Variants in ITPR2 observed in about 807,000 individuals in gnomAD.
ITPR2 encodes the protein inositol 1,4,5-trisphosphate receptor type 2.
ITPR2 carries 207 observed loss-of-function variants against 317.1 expected under a neutral mutation model. The ratio of observed to expected loss-of-function variants is 0.65; its 90% CI spans 0.58 to 0.73. The LOEUF (loss-of-function observed/expected upper bound fraction) is 0.73, where lower values mean the gene tolerates loss of function less well. ITPR2 is among the 30% of genes least tolerant of loss of function. The pLI, the probability that ITPR2 is intolerant of heterozygous loss-of-function variation, is 0.00. For synonymous variants in ITPR2, 1,156 were observed against 1,149.1 expected (o/e 1.01, Z -0.12); for missense variants, 2,613 against 3,284.0 (o/e 0.80, Z 4.99).
At chr12:26,732,961 A>G (rs923751606) in intron 2 of ITPR2, among the ~76,000 whole-genome samples, 1 of 152,198 alleles carries the variant, frequency 6.6e-6, no homozygotes, top group Non-Finnish European at 1.5e-5. Context: ...TTCCCATAAT[A>G]GATGTGATTT....
intron 55 of ITPR2, among the ~76,000 whole-genome samples, chr12:26,365,259 C>T (rs1242193532): frequency 6.6e-6 from 1 of 152,156 alleles, no homozygotes; most frequent in Non-Finnish European, 1.5e-5. Flanking sequence ...TAATTTGAAG[C>T]TTAGTGATTC....
At chr12:26,401,212 G>A (rs1410562553) in intron 52 of ITPR2, among the ~76,000 whole-genome samples, 3 of 151,594 alleles carry the variant, frequency 2.0e-5, no homozygotes, top group Non-Finnish European at 2.9e-5. Flanking sequence ...CTGGGTAACA[G>A]AGCAAGACTC....
intron 32 of ITPR2, 143 bp downstream of exon 32, chr12:26,595,322 C>T (rs1945815074): frequency 1.3e-6 from 1 of 753,268 alleles, no homozygotes; most frequent in Admixed American, 3.2e-5. Flanking sequence ...CACTCACAAT[C>T]TTCTGAAATT....
chr12:26,699,342 C>A (rs1320704314), intron 9 of ITPR2, among the ~76,000 whole-genome samples: 2 of 152,182 alleles, frequency 1.3e-5, no homozygotes, highest in Non-Finnish European at 1.5e-5. Flanking sequence ...CCCTGACTGG[C>A]TGTCTGGGGA....
intron 55 of ITPR2, among the ~76,000 whole-genome samples, chr12:26,366,620 C>A (rs1939020444): frequency 6.6e-6 from 1 of 152,148 alleles, no homozygotes; most frequent in Non-Finnish European, 1.5e-5. Context: ...CCGTTGTAAA[C>A]CCCTATTTAC....
At chr12:26,543,853 C>T (rs1322186631) in intron 37 of ITPR2, among the ~76,000 whole-genome samples, 5 of 152,156 alleles carry the variant, frequency 3.3e-5, no homozygotes, top group Admixed American at 6.5e-5. Flanking sequence ...TTCCAACATA[C>T]ATATTTTTTT....
intron 55 of ITPR2, among the ~76,000 whole-genome samples, chr12:26,385,830 T>C (rs1939650148): frequency 6.6e-6 from 1 of 151,812 alleles, no homozygotes; most frequent in Non-Finnish European, 1.5e-5. Context: ...TCACCTGCTC[T>C]CATTGGATGC....
chr12:26,531,000 A>C (rs1943928951), intron 37 of ITPR2, among the ~76,000 whole-genome samples: 1 of 152,252 alleles, frequency 6.6e-6, no homozygotes, highest in South Asian at 2.1e-4. Flanking sequence ...CAATATTTTT[A>C]GATTTGGATA....
In ITPR2 at chr12:26,484,505, G is replaced by A. The variant is rs76837134; in HGVS notation, c.5812-607C>T. 1.5e-3 allele frequency among the ~76,000 whole-genome samples: 235 copies of A among 152,182 alleles called. 2 individuals carry two copies. The highest frequency in any genetic ancestry group is 5.5e-3 in the African/African-American group (229 of 41,512). On this transcript the variant is annotated intron_variant, in intron 41 of 56. Transcript: ENST00000381340. ...TACACCAACAGGTTCTCTGCATACT[G>A]CTTGTTATACGAACACCAGAAACCA...
At chr12:26,415,598 T>C in intron 50 of ITPR2, 100 bp from the exon 51 acceptor site, 1 of 815,500 alleles carries the variant, frequency 1.2e-6, no homozygotes, top group Non-Finnish European at 1.8e-6. Context: ...GCCATTCTAG[T>C]TTATATATAA....
At chr12:26,694,720 C>A (rs796267619) in intron 10 of ITPR2, among the ~76,000 whole-genome samples, 9 of 152,286 alleles carry the variant, frequency 5.9e-5, no homozygotes, top group African/African-American at 2.2e-4. Flanking sequence ...AATCCTGGGG[C>A]AGCCATGTGA....
rs373452445 is a variant in ITPR2, at chr12:26,655,871, G to A, written c.2445-19C>T. ...ATCATATCTGGAAATAGAGAAAGAA[G>A]ATAACGCAAGTTAAACTGATTGCAA... On this transcript the variant is annotated intron_variant, in intron 19 of 56. Transcript: ENST00000381340. 3 of 1,597,310 alleles carry A rather than the reference G, an allele frequency of 1.9e-6. No individual in the cohort carries two copies. The African/African-American group carries it at 4.0e-5, about 22-fold the overall frequency.
chr12:26,782,023 TATATATATATGTATAGAGAG>T (rs1159217889), intron 2 of ITPR2, among the ~76,000 whole-genome samples: 16 of 28,422 alleles, frequency 5.6e-4, no homozygotes, highest in African/African-American at 7.9e-4. Context: ...TATATATATA[TATATATATATGTATAGAGAG>T]AGAGAGAGAG....
intron 1 of ITPR2, among the ~76,000 whole-genome samples, chr12:26,800,473 G>A (rs770844353): frequency 6.6e-6 from 1 of 152,170 alleles, no homozygotes; most frequent in Non-Finnish European, 1.5e-5. Context: ...CATCAAAAAT[G>A]GTCAGATAGC....
intron 34 of ITPR2, among the ~76,000 whole-genome samples, chr12:26,573,719 G>C (rs567159451): frequency 2.6e-5 from 4 of 152,202 alleles, no homozygotes; most frequent in Admixed American, 1.3e-4. Context: ...AATGTCCTCA[G>C]GTGAGGAAAT....
At chr12:26,613,102 T>A (rs570173754) in intron 26 of ITPR2, among the ~76,000 whole-genome samples, 5 of 152,266 alleles carry the variant, frequency 3.3e-5, no homozygotes, top group African/African-American at 1.2e-4. Flanking sequence ...AGTCCAGATA[T>A]CTAACTTTAA....
intron 1 of ITPR2, among the ~76,000 whole-genome samples, chr12:26,812,413 C>T (rs1950770344): frequency 6.6e-6 from 1 of 151,546 alleles, no homozygotes; most frequent in Admixed American, 6.6e-5. Context: ...CTCATCTCTA[C>T]TAAAAATACA....
intron 47 of ITPR2, among the ~76,000 whole-genome samples, chr12:26,438,537 G>C (rs1941413240): frequency 6.6e-6 from 1 of 152,144 alleles, no homozygotes; most frequent in South Asian, 2.1e-4. Flanking sequence ...TTAAAAGTCA[G>C]TGTTTCCTAA....
intron 21 of ITPR2, 128 bp downstream of exon 21, chr12:26,653,848 T>G: frequency 3.0e-6 from 2 of 674,074 alleles, no homozygotes; most frequent in Non-Finnish European, 5.0e-6. Flanking sequence ...AGCCCTGTCA[T>G]AGGAATTGTG....
Sources: gnomAD v4.1 joint callset for allele counts (sites outside exome capture counted in the v4.1 genomes callset) on GRCh38, gnomAD v4.1.1 for gene constraint, MANE v1.5 for transcripts, NCBI Gene and HGNC (gene_info 2026-07-23, HGNC 2026-07-21) for gene names.